ACVR2B: variants seen among roughly 807,000 people sequenced by gnomAD.
ACVR2B encodes activin A receptor type 2B.
A neutral mutation model predicts 65.1 loss-of-function variants in ACVR2B; 18 were observed. That is an observed-to-expected ratio of 0.28 (90% CI 0.19 to 0.41). The LOEUF is 0.41. Ranked by LOEUF, ACVR2B falls within the 10% of genes least tolerant of loss-of-function variation. The pLI is 1.00. For synonymous variants in ACVR2B, 298 were observed against 277.7 expected, an observed-to-expected ratio of 1.07 and a Z score of -0.73; for missense variants, 482 against 682.7, an observed-to-expected ratio of 0.71 and a Z score of 3.28.
chr3:38,455,428 C>T (rs1709531708), intron 1 of ACVR2B, among the ~76,000 whole-genome samples: 1 of 152,138 alleles, frequency 6.6e-6, no homozygotes, highest in African/African-American at 2.4e-5. Context: ...CCCCCGCCGC[C>T]CTCGGTGGCA....
rs1044256575 is a variant in ACVR2B at position 38,486,937 on chromosome 3, A to C, written c.*3605A>C. Reference sequence around the variant, plus strand: ...ATTGGGGAAGGCTGTAGACATAGTCATCAGAACATCCTGGCCTGGCATAAG... The same window carrying C: ...ATTGGGGAAGGCTGTAGACATAGTCCTCAGAACATCCTGGCCTGGCATAAG... On this transcript the variant is annotated 3_prime_UTR_variant, in exon 11 of 11. Transcript: ENST00000352511. 1.1e-4 allele frequency: 16 copies of C among 152,372 alleles called. No individual in the cohort carries two copies. Among genetic ancestry groups the C allele is most frequent in the Non-Finnish European group, 1.6e-4 (11 of 68,162 alleles). 9.4% of individuals were successfully genotyped at this position (152,372 alleles called of 1,614,324 possible).
rs1575590275 is a variant in ACVR2B, at chr3:38,483,030, T to G, written c.1345-108T>G. On this transcript the variant is annotated intron_variant, in intron 10 of 10. Transcript: ENST00000352511. The surrounding 1 kb of genome is among the most constrained non-coding windows in gnomAD (Gnocchi z 4.8). The stretch of plus-strand genomic sequence containing the variant: ...GACCTGCTGCTGTGGTTGGGGCTGG[T>G]GGGCTCTGCCTGATCCTTGGGAATA... 1.4e-5 allele frequency: 18 copies of G among 1,311,758 alleles called. No homozygotes were observed. The highest frequency in any genetic ancestry group is 1.4e-5 in the African/African-American group (1 of 69,354). 81.3% of individuals were successfully genotyped at this position (1,311,758 alleles called of 1,614,324 possible). A position where few individuals can be genotyped will look rare whatever the true frequency, so the allele number is the denominator to read the frequency against.
chr3:38,464,505 TAAG>T (rs1253875732), intron 1 of ACVR2B, among the ~76,000 whole-genome samples: 2 of 152,212 alleles, frequency 1.3e-5, no homozygotes, highest in African/African-American at 2.4e-5. Context: ...ATTGTATATC[TAAG>T]AAGATACTGA....
At position 38,477,715 on chromosome 3, in the gene ACVR2B, G is replaced by A; in HGVS notation, c.261-146G>A. On this transcript the variant is annotated intron_variant, in intron 2 of 10. Coordinates refer to ENST00000352511, the MANE Select transcript of ACVR2B (RefSeq NM_001106.4). This position sits in a 1 kb window ranked among gnomAD's most constrained non-coding sequence, Gnocchi z 6.7. ...CCCTGGCTGTTCTTCCTTGGCTTTG[G>A]GTCTCCTGTAGGGGAGGTGAGTTCA... is the stretch of plus-strand genomic sequence containing the variant. 1 of 1,055,462 alleles carries A rather than the reference G, an allele frequency of 9.5e-7. No individual in the cohort carries two copies. Among genetic ancestry groups the A allele is most frequent in the South Asian group, 1.3e-5 (1 of 78,760 alleles). 65.4% of individuals were successfully genotyped at this position (1,055,462 alleles called of 1,614,324 possible). A position where few individuals can be genotyped will look rare whatever the true frequency, so the allele number is the denominator to read the frequency against.
At position 38,488,152 on chromosome 3, in the gene ACVR2B, A is replaced by G. The variant is rs1051088988; in HGVS notation, c.*4820A>G. Reference sequence around the variant, plus strand: ...ACTAATGAAATACTTAGCAGCTAACATGTTCAATCTAGTAATGATGAGTTT... The same window carrying G: ...ACTAATGAAATACTTAGCAGCTAACGTGTTCAATCTAGTAATGATGAGTTT... On this transcript the variant is annotated 3_prime_UTR_variant, in exon 11 of 11. Transcript: ENST00000352511. 6.6e-6 allele frequency: 1 copy of G among 152,246 alleles called. No homozygotes were observed. The highest frequency in any genetic ancestry group is 1.5e-5 in the Non-Finnish European group (1 of 68,046). 9.4% of individuals were successfully genotyped at this position (152,246 alleles called of 1,614,324 possible). A position where few individuals can be genotyped will look rare whatever the true frequency, so the allele number is the denominator to read the frequency against.
chr3:38,476,839 C>T (rs1295603148), intron 1 of ACVR2B: 2 of 253,928 alleles, frequency 7.9e-6, no homozygotes, highest in Non-Finnish European at 1.5e-5. Flanking sequence ...CTTTCCCACA[C>T]CTGCAACATA....
chr3:38,478,038 G>A (rs1709943211), intron 3 of ACVR2B, 68 bp downstream of exon 3: 1 of 1,594,726 alleles, frequency 6.3e-7, no homozygotes, highest in Non-Finnish European at 8.6e-7. Context: ...TGGAGCGCTT[G>A]GCTCCTCAGT....
chr3:38,482,133 C>A, intron 8 of ACVR2B, 65 bp from the exon 9 acceptor site: 1 of 1,609,658 alleles, frequency 6.2e-7, no homozygotes, highest in Admixed American at 1.7e-5. Context: ...GCTGTAACTC[C>A]CATGTCCCAG....
In ACVR2B at chr3:38,486,967, G is replaced by T. The variant is rs1559659290; in HGVS notation, c.*3635G>T. On this transcript the variant is annotated 3_prime_UTR_variant, in exon 11 of 11. Transcript: ENST00000352511. The stretch of plus-strand genomic sequence containing the variant: ...AACATCCTGGCCTGGCATAAGCTGG[G>T]TTTTCTCCTGGGACCATTGGTCCTC... 6.6e-6 allele frequency: 1 copy of T among 152,424 alleles called. No individual in the cohort carries two copies. The highest frequency in any genetic ancestry group is 1.5e-5 in the Non-Finnish European group (1 of 68,190). 9.4% of individuals were successfully genotyped at this position (152,424 alleles called of 1,614,324 possible).
At position 38,481,341 on chromosome 3, in the gene ACVR2B, G is replaced by T; in HGVS notation, c.960-10G>T. On this transcript the variant is annotated splice_polypyrimidine_tract_variant and intron_variant, in intron 7 of 10. Coordinates refer to ENST00000352511, the MANE Select transcript of ACVR2B (RefSeq NM_001106.4). The surrounding 1 kb of genome is among the most constrained non-coding windows in gnomAD (Gnocchi z 4.7). ...TGTTAAGCTTTATCTCTGCCCACTT[G>T]TTTCCACAGGGACTTTAAAAGTAAG... 6.2e-7 allele frequency: 1 copy of T among 1,608,846 alleles called. No homozygotes were observed. The highest frequency in any genetic ancestry group is 1.7e-5 in the Admixed American group (1 of 60,018).
chr3:38,467,118 G>A (rs1709743488), intron 1 of ACVR2B, among the ~76,000 whole-genome samples: 1 of 152,158 alleles, frequency 6.6e-6, no homozygotes, highest in African/African-American at 2.4e-5. Flanking sequence ...CATCTCTAGG[G>A]TAACCAAAGG....
intron 1 of ACVR2B, 40 bp downstream of exon 1, chr3:38,454,414 G>A: frequency 8.1e-7 from 1 of 1,241,012 alleles, no homozygotes; most frequent in East Asian, 3.2e-5. Flanking sequence ...GAGAGGGCGC[G>A]CGGGGCTGGC....
Position 38,477,462 on chromosome 3 carries a change from C to T in ACVR2B, c.228C>T (p.Gly76=). 1.2e-6 allele frequency: 2 copies of T among 1,614,154 alleles called. No homozygotes were observed. Among genetic ancestry groups the T allele is most frequent in the East Asian group, 4.5e-5 (2 of 44,878 alleles). The change falls in exon 2 of 11, where the codon GGC becomes GGT. Residue 76 remains glycine (G), a synonymous_variant. Transcript: ENST00000352511. The surrounding 1 kb of genome is among the most constrained non-coding windows in gnomAD (Gnocchi z 6.7). ...SSGTIELVKK[G]CWLDDFNCYD... is the part of the protein sequence containing the mutation. ...GCACCATCGAGCTCGTGAAGAAGGG[C>T]TGCTGGCTAGATGACTTCAACTGCT...
chr3:38,469,724 C>A (rs879434984), intron 1 of ACVR2B, among the ~76,000 whole-genome samples: 1 of 152,146 alleles, frequency 6.6e-6, no homozygotes, highest in Non-Finnish European at 1.5e-5. Context: ...TCAAAGTAGT[C>A]CAACAGAAAA....
intron 1 of ACVR2B, among the ~76,000 whole-genome samples, chr3:38,456,490 A>G (rs1055664765): frequency 1.1e-4 from 16 of 152,256 alleles, no homozygotes; most frequent in African/African-American, 3.6e-4. Flanking sequence ...TCGTGTTAAT[A>G]AAAGGAAGAA....
intron 1 of ACVR2B, among the ~76,000 whole-genome samples, chr3:38,461,958 C>A (rs1168034721): frequency 6.6e-6 from 1 of 151,976 alleles, no homozygotes; most frequent in East Asian, 1.9e-4. Context: ...TTTGGGAGGC[C>A]AAGGTGGGCG....
chr3:38,473,937 A>C (rs1003601773), intron 1 of ACVR2B: 4 of 152,436 alleles, frequency 2.6e-5, no homozygotes, highest in African/African-American at 9.7e-5. Flanking sequence ...GCTGGAGTGC[A>C]ATGGCACGAC....
intron 1 of ACVR2B, among the ~76,000 whole-genome samples, chr3:38,465,457 A>T (rs1709713014): frequency 6.6e-6 from 1 of 152,016 alleles, no homozygotes. Context: ...GAGAGTGGGA[A>T]TTTCAGCAGA....
chr3:38,483,263 G>C lies in ACVR2B; in HGVS notation c.1470G>C (p.Ser490=). Residue 490 remains serine, a synonymous_variant, in exon 11 of 11, where the codon TCG becomes TCC. Coordinates refer to ENST00000352511, the MANE Select transcript of ACVR2B (RefSeq NM_001106.4). The surrounding 1 kb of genome is among the most constrained non-coding windows in gnomAD (Gnocchi z 4.8). ...LIRRSVNGTT[S]DCLVSLVTSV... ...GGAGGTCGGTCAACGGCACTACCTC[G>C]GACTGTCTCGTTTCCCTGGTGACCT... is the stretch of plus-strand genomic sequence containing the variant. 6.2e-7 allele frequency: 1 copy of C among 1,613,978 alleles called. No homozygotes were observed. The highest frequency in any genetic ancestry group is 8.5e-7 in the Non-Finnish European group (1 of 1,180,020).
Sources: allele counts gnomAD v4.1 joint callset (sites outside exome capture counted in the v4.1 genomes callset), GRCh38; gene constraint gnomAD v4.1.1; non-coding constraint Gnocchi (gnomAD v3.1); transcripts MANE v1.5; gene names NCBI Gene and HGNC (gene_info 2026-07-23, HGNC 2026-07-21).